P4HTM: variants seen among roughly 807,000 people sequenced by gnomAD.
P4HTM encodes the protein transmembrane prolyl 4-hydroxylase.
A neutral mutation model predicts 55.3 loss-of-function variants in P4HTM; 33 were observed. The observed-to-expected ratio is 0.60, with a 90% CI of 0.45 to 0.80. P4HTM has a LOEUF of 0.80. Among genes scored for constraint, P4HTM ranks in the 30% least tolerant of loss-of-function variants. P4HTM has a pLI of 0.00. For missense variants in P4HTM, 542 were observed against 696.5 expected, an observed-to-expected ratio of 0.78 and a Z score of 2.50; for synonymous variants, 272 against 286.4, an observed-to-expected ratio of 0.95 and a Z score of 0.51.
chr3:49,004,405 A>G (rs1346183286), intron 5 of P4HTM, 145 bp downstream of exon 5: 1 of 864,696 alleles, frequency 1.2e-6, no homozygotes, highest in Non-Finnish European at 1.7e-6. Flanking sequence ...ATTGGGACCC[A>G]CTGAAAGACA....
In P4HTM at chr3:48,990,655, G is replaced by A; in HGVS notation, c.354+45G>A. 1 of 1,495,858 alleles carries A rather than the reference G, an allele frequency of 6.7e-7. No individual in the cohort carries two copies. The highest frequency in any genetic ancestry group is 8.9e-7 in the Non-Finnish European group (1 of 1,121,888). 92.7% of individuals were successfully genotyped at this position (1,495,858 alleles called of 1,614,324 possible). A position where few individuals can be genotyped will look rare whatever the true frequency, so the allele number is the denominator to read the frequency against. ...GCCGCGCTCCAGGCCCTGCACGGCTGAGCCCGAGAGGACCGGCGCTCAGCC... is the reference window on the plus strand; with the variant it reads ...GCCGCGCTCCAGGCCCTGCACGGCTAAGCCCGAGAGGACCGGCGCTCAGCC... On this transcript the variant is annotated intron_variant, in intron 1 of 8. Transcript: ENST00000383729. This position sits in a 1 kb window ranked among gnomAD's most constrained non-coding sequence, Gnocchi z 7.2.
chr3:48,998,305 C>T (rs1299547885), intron 2 of P4HTM: 4 of 152,092 alleles, frequency 2.6e-5, no homozygotes, highest in African/African-American at 7.3e-5. Flanking sequence ...ATGATGGGCT[C>T]GCAGCTGGCC....
At chr3:48,997,619 C>T (rs2092949571) in intron 2 of P4HTM, 2 of 152,204 alleles carry the variant, frequency 1.3e-5, no homozygotes, top group African/African-American at 4.8e-5. Flanking sequence ...CCATCAGTCC[C>T]CTCCACCTAG....
chr3:49,004,235 C>G lies in P4HTM; in HGVS notation c.862C>G (p.His288Asp), dbSNP rs747477409. 6.5e-7 allele frequency: 1 copy of G among 1,548,520 alleles called. No homozygotes were observed. Among genetic ancestry groups the G allele is most frequent in the African/African-American group, 1.4e-5 (1 of 72,982 alleles). Residue 288 changes from histidine to aspartate, a missense_variant, in exon 5 of 9, where the codon CAC (histidine) becomes GAC (aspartate). This residue lies in a region of P4HTM where 536 missense variants were observed against 672.1 expected (regional missense o/e 0.80). Transcript: ENST00000383729. ...TWLYQGEGAH[H>D]IMRAIRQRVL... The stretch of plus-strand genomic sequence containing the variant: ...GCTCTACCAGGGTGAGGGTGCCCAC[C>G]ACATCATGCGTGCCATCCGCCAGAG...
intron 2 of P4HTM, among the ~76,000 whole-genome samples, chr3:48,995,614 G>A (rs1428076688): frequency 1.1e-4 from 17 of 151,358 alleles, no homozygotes; most frequent in Non-Finnish European, 1.6e-4. Context: ...ATGGAGTCTC[G>A]CTCTGTTGCC....
intron 2 of P4HTM, chr3:48,991,140 A>G: frequency 1.9e-6 from 1 of 534,424 alleles, no homozygotes; most frequent in Non-Finnish European, 3.3e-6. Flanking sequence ...TGGCAGGGTG[A>G]GCCTGAGGCT....
rs2092971656 is a variant in P4HTM at position 49,004,844 on chromosome 3, TGCCTGCTGCCCACCAGG to T, written c.888-15_889del. On this transcript the variant is annotated splice_acceptor_variant and splice_polypyrimidine_tract_variant and coding_sequence_variant and intron_variant, in exon 6 of 9. Coordinates refer to ENST00000383729, the MANE Select transcript of P4HTM (RefSeq NM_177939.3). LOFTEE classifies it high-confidence loss of function. ...CCTTGCCTGGGGCTGCCCAGCCAAA[TGCCTGCTGCCCACCAGG>T]GTGCTGCGCCTCACTCGCCTGTCGC... is the stretch of plus-strand genomic sequence containing the variant. 6.3e-7 allele frequency: 1 copy of T among 1,593,628 alleles called. No individual in the cohort carries two copies. The highest frequency in any genetic ancestry group is 8.5e-7 in the Non-Finnish European group (1 of 1,171,934).
In P4HTM at chr3:48,990,666, G is replaced by A. The variant is rs1033986812; in HGVS notation, c.354+56G>A. On this transcript the variant is annotated intron_variant, in intron 1 of 8. Transcript: ENST00000383729. This position sits in a 1 kb window ranked among gnomAD's most constrained non-coding sequence, Gnocchi z 7.2. ...GGCCCTGCACGGCTGAGCCCGAGAG[G>A]ACCGGCGCTCAGCCCGGGTCCCCAC... The A allele has an allele frequency of 3.5e-5, 52 of 1,482,928 alleles. No homozygotes were observed. The highest frequency in any genetic ancestry group is 3.0e-4 in the East Asian group (12 of 40,054). The allele number at this position is 1,482,928 out of a possible 1,614,324, so 91.9% of individuals were successfully genotyped here.
In P4HTM at chr3:49,006,905, T is replaced by C; in HGVS notation, c.1507T>C (p.Ter503ArgextTer4). ...RAYRDARVEL[*>R] ...CTACCGCGATGCGCGCGTGGAACTC[T>C]GAGGGAAGAGTTAGCCCCGGTTCCC... The change falls in exon 9 of 9, where the codon TGA (stop) becomes CGA (arginine). Residue 503 changes from the stop codon to arginine, a stop_lost. Coordinates refer to ENST00000383729, the MANE Select transcript of P4HTM (RefSeq NM_177939.3). The C allele has an allele frequency of 1.2e-6, 2 of 1,610,910 alleles. No homozygotes were observed. Among genetic ancestry groups the C allele is most frequent in the Non-Finnish European group, 1.7e-6 (2 of 1,178,854 alleles).
chr3:49,004,392 A>G (rs2092970446), intron 5 of P4HTM, 132 bp downstream of exon 5: 2 of 977,700 alleles, frequency 2.0e-6, no homozygotes, highest in Non-Finnish European at 2.9e-6. Context: ...TTGTTAGACC[A>G]GGATTGGGAC....
rs1301878656 is a variant in P4HTM at position 48,990,648 on chromosome 3, C to T, written c.354+38C>T. The T allele has an allele frequency of 6.6e-7, 1 of 1,509,052 alleles. No individual in the cohort carries two copies. The highest frequency in any genetic ancestry group is 8.9e-7 in the Non-Finnish European group (1 of 1,127,406). 93.5% of individuals were successfully genotyped at this position (1,509,052 alleles called of 1,614,324 possible). On this transcript the variant is annotated intron_variant, in intron 1 of 8. Transcript: ENST00000383729. The surrounding 1 kb of genome is among the most constrained non-coding windows in gnomAD (Gnocchi z 7.2). ...CTGCCCCGCCGCGCTCCAGGCCCTG[C>T]ACGGCTGAGCCCGAGAGGACCGGCG...
Position 49,005,837 on chromosome 3 carries a change from T to C in P4HTM, c.1134T>C (p.Pro378=), listed in dbSNP as rs1346742885. The change falls in exon 7 of 9, where the codon CCT becomes CCC. Residue 378 remains proline (P), a synonymous_variant. Transcript: ENST00000383729. The stretch of plus-strand genomic sequence containing the variant: ...CTGGTGGGGGCGAGACTGTTTTCCC[T>C]GTAGCAGATAACAGAACCTACGATG... The part of the protein sequence containing the change: ...NVTGGGETVF[P]VADNRTYDEM... 1.3e-6 allele frequency: 2 copies of C among 1,567,240 alleles called. No individual in the cohort carries two copies.
In P4HTM at chr3:49,005,002, C is replaced by G. The variant is rs755392499; in HGVS notation, c.1029C>G (p.Thr343=). 6.8e-6 allele frequency: 11 copies of G among 1,614,126 alleles called. No individual in the cohort carries two copies. Among genetic ancestry groups the G allele is most frequent in the Non-Finnish European group, 9.3e-6 (11 of 1,180,024 alleles). Residue 343 remains threonine, a synonymous_variant, in exon 6 of 9, where the codon ACC becomes ACG. Coordinates refer to ENST00000383729, the MANE Select transcript of P4HTM (RefSeq NM_177939.3). ...PVYPETICSH[T]KLVANESVPF... is the part of the protein sequence containing the mutation. The stretch of plus-strand genomic sequence containing the variant: ...ACCCAGAGACCATCTGCTCCCATAC[C>G]AAGCTGGTAGCCAACGAGTCTGTAC...
chr3:48,998,992 T>C (rs573367942), intron 2 of P4HTM, among the ~76,000 whole-genome samples: 25 of 152,238 alleles, frequency 1.6e-4, no homozygotes, highest in African/African-American at 6.0e-4. Context: ...ACCCCCAGCC[T>C]GAAGCGACTT....
rs958432261 is a variant in P4HTM at position 49,004,951 on chromosome 3, T to C, written c.978T>C (p.His326=). 14 of 1,613,962 alleles carry C rather than the reference T, an allele frequency of 8.7e-6. No homozygotes were observed. The highest frequency in any genetic ancestry group is 1.2e-5 in the Non-Finnish European group (14 of 1,179,952). The part of the protein sequence containing the change: ...VVRYGEGGHY[H]AHVDSGPVYP... ...GATATGGTGAGGGGGGCCACTACCA[T>C]GCCCACGTGGACAGTGGGCCTGTGT... The change falls in exon 6 of 9, where the codon CAT becomes CAC. Residue 326 remains histidine, a synonymous_variant. Transcript: ENST00000383729.
intron 2 of P4HTM, chr3:49,001,146 A>T: frequency 2.1e-6 from 1 of 474,668 alleles, no homozygotes; most frequent in South Asian, 2.1e-5. Context: ...TCCCAACCCA[A>T]AGATGGGTCA....
In P4HTM at chr3:48,990,684, GTC is replaced by G. The variant is rs2106639987; in HGVS notation, c.354+75_354+76del. 6.8e-7 allele frequency: 1 copy of G among 1,470,026 alleles called. No individual in the cohort carries two copies. The highest frequency in any genetic ancestry group is 2.5e-5 in the East Asian group (1 of 39,990). The allele number at this position is 1,470,026 out of a possible 1,614,324, so 91.1% of individuals were successfully genotyped here. On this transcript the variant is annotated intron_variant, in intron 1 of 8. Transcript: ENST00000383729. This position sits in a 1 kb window ranked among gnomAD's most constrained non-coding sequence, Gnocchi z 7.2. ...CCGAGAGGACCGGCGCTCAGCCCGG[GTC>G]CCCACGCTGCCCCCGGCGCTGCTCT...
intron 8 of P4HTM, 68 bp downstream of exon 8, chr3:49,006,255 TG>T: frequency 1.3e-6 from 2 of 1,535,252 alleles, no homozygotes; most frequent in Non-Finnish European, 1.8e-6. Context: ...AGCCCCCGTC[TG>T]CCACAATGGA....
intron 6 of P4HTM, 73 bp downstream of exon 6, chr3:49,005,119 C>T (rs746019748): frequency 6.2e-7 from 1 of 1,613,098 alleles, no homozygotes; most frequent in Non-Finnish European, 8.5e-7. Context: ...CACAGCCCTG[C>T]ACTGTGGGCG....
Sources: gnomAD v4.1 joint callset for allele counts (sites outside exome capture counted in the v4.1 genomes callset) on GRCh38, gnomAD v4.1.1 for gene constraint, gnomAD v4.1.1 regional missense constraint, Gnocchi (gnomAD v3.1) non-coding constraint, MANE v1.5 for transcripts, NCBI Gene and HGNC (gene_info 2026-07-23, HGNC 2026-07-21) for gene names.